The following AMPH variants were observed in gnomAD, a reference collection of about 807,000 sequenced individuals.
AMPH encodes the protein amphiphysin.
Under a neutral mutation model 99.1 loss-of-function variants are expected in AMPH, and 49 were observed. The ratio of observed to expected loss-of-function variants is 0.49; its 90% CI spans 0.39 to 0.63. The LOEUF (loss-of-function observed/expected upper bound fraction) is 0.63, where lower values mean the gene tolerates loss of function less well. Ranked by LOEUF, AMPH falls within the 20% of genes least tolerant of loss-of-function variation. AMPH has a pLI of 0.00. For missense variants in AMPH, 759 were observed against 863.4 expected, an observed-to-expected ratio of 0.88 and a Z score of 1.52; for synonymous variants, 314 against 317.3, an observed-to-expected ratio of 0.99 and a Z score of 0.11.
chr7:38,556,070 C>T (rs990362152), intron 1 of AMPH, among the ~76,000 whole-genome samples: 1 of 151,846 alleles, frequency 6.6e-6, no homozygotes, highest in African/African-American at 2.4e-5. Context: ...ACCCAGGCAA[C>T]AAACCTGCAC....
intron 1 of AMPH, among the ~76,000 whole-genome samples, chr7:38,551,751 TG>T (rs1185554565): frequency 2.0e-5 from 3 of 152,018 alleles, no homozygotes; most frequent in Non-Finnish European, 4.4e-5. Context: ...ACAGAAAGAA[TG>T]AGGGAGAGAA....
In AMPH at chr7:38,509,335, G is replaced by A. The variant is rs553318113; in HGVS notation, c.151-5631C>T. ...GTTTCCACAGTTTTATCCAAGATTCGTGGCCCAATTTCCAACTATCCCTGT... is the reference window on the plus strand; with the variant it reads ...GTTTCCACAGTTTTATCCAAGATTCATGGCCCAATTTCCAACTATCCCTGT... On this transcript the variant is annotated intron_variant, in intron 2 of 20. Transcript: ENST00000356264. Among the ~76,000 whole-genome samples the A allele has an allele frequency of 5.4e-4, 82 of 152,200 alleles. 3 individuals are homozygous for A. The South Asian group carries it at 0.014, about 25-fold the overall frequency.
intron 20 of AMPH, among the ~76,000 whole-genome samples, chr7:38,389,565 G>A (rs1784432776): frequency 6.6e-6 from 1 of 152,128 alleles, no homozygotes; most frequent in South Asian, 2.1e-4. Flanking sequence ...CCCAGAAAGT[G>A]GTTACGTGAT....
At chr7:38,582,690 A>T (rs1388815083) in intron 1 of AMPH, among the ~76,000 whole-genome samples, 3 of 152,230 alleles carry the variant, frequency 2.0e-5, no homozygotes, top group African/African-American at 7.2e-5. Flanking sequence ...AGGTCCTGAG[A>T]TCAAAAAGTT....
At chr7:38,603,134 G>A (rs951157446) in intron 1 of AMPH, among the ~76,000 whole-genome samples, 9 of 151,782 alleles carry the variant, frequency 5.9e-5, no homozygotes, top group African/African-American at 7.3e-5. Context: ...TGGGCAACAT[G>A]GCGAAACCCC....
intron 1 of AMPH, among the ~76,000 whole-genome samples, chr7:38,540,692 C>CAAAAAAAA (rs373768495): frequency 0.059 from 1,172 of 19,762 alleles, 522 homozygotes; most frequent in East Asian, 0.081. Flanking sequence ...TGACCCCAAG[C>CAAAAAAAA]AAAAAAAAAA....
intron 7 of AMPH, among the ~76,000 whole-genome samples, chr7:38,474,664 G>A (rs1334947106): frequency 6.6e-6 from 1 of 152,086 alleles, no homozygotes; most frequent in African/African-American, 2.4e-5. Flanking sequence ...AATTTGGGGT[G>A]GGAGCATGAG....
intron 1 of AMPH, among the ~76,000 whole-genome samples, chr7:38,595,562 T>C (rs1389167251): frequency 6.6e-6 from 1 of 152,106 alleles, no homozygotes; most frequent in African/African-American, 2.4e-5. Context: ...AAGTCCAACT[T>C]TATTTTTTTA....
At chr7:38,518,561 G>A (rs868287886) in intron 2 of AMPH, among the ~76,000 whole-genome samples, 1 of 152,222 alleles carries the variant, frequency 6.6e-6, no homozygotes, top group East Asian at 1.9e-4. Context: ...GCTTACCTGG[G>A]ACCAGTTATC....
chr7:38,468,469 T>G (rs1228324972), intron 7 of AMPH, among the ~76,000 whole-genome samples: 4 of 152,252 alleles, frequency 2.6e-5, no homozygotes, highest in Admixed American at 1.3e-4. Flanking sequence ...CAGCATATCT[T>G]AAGTTGTCAA....
rs1789220818 is a variant in AMPH at position 38,503,505 on chromosome 7, G to GCC, written c.205+144_205+145insGG. 5 of 495,164 alleles carry GCC rather than the reference G, an allele frequency of 1.0e-5. 1 individual carries two copies. Among genetic ancestry groups the GCC allele is most frequent in the South Asian group, 5.4e-5 (2 of 36,980 alleles). The allele number at this position is 495,164 out of a possible 1,614,324, so 30.7% of individuals were successfully genotyped here. A position where few individuals can be genotyped will look rare whatever the true frequency, so the allele number is the denominator to read the frequency against. On this transcript the variant is annotated intron_variant, in intron 3 of 20. Coordinates refer to ENST00000356264, the MANE Select transcript of AMPH (RefSeq NM_001635.4). ...AATGGGAATTTGGGGCGGGGGGGTGGGTGGTGGAATGGAACACCTGTGTTC... is the reference window on the plus strand; with the variant it reads ...AATGGGAATTTGGGGCGGGGGGGTGGCCGTGGTGGAATGGAACACCTGTGTTC...
At chr7:38,566,568 G>C (rs1413651346) in intron 1 of AMPH, among the ~76,000 whole-genome samples, 2 of 152,152 alleles carry the variant, frequency 1.3e-5, no homozygotes, top group Admixed American at 1.3e-4. Context: ...AAACTAAAGA[G>C]CTTCTGCACA....
chr7:38,477,087 C>A, intron 5 of AMPH, 118 bp from the exon 6 acceptor site: 1 of 766,846 alleles, frequency 1.3e-6, no homozygotes, highest in South Asian at 1.6e-5. Context: ...GACTGGAGAT[C>A]AAGATGGGCT....
chr7:38,545,065 G>A (rs35099182), intron 1 of AMPH, among the ~76,000 whole-genome samples: 54,309 of 152,092 alleles, frequency 0.36, 10,860 homozygotes, highest in East Asian at 0.86. Context: ...TCTGCAGCTC[G>A]GTAAGTGTCT....
intron 17 of AMPH, among the ~76,000 whole-genome samples, chr7:38,396,968 T>G (rs915196175): frequency 6.6e-6 from 1 of 152,246 alleles, no homozygotes; most frequent in African/African-American, 2.4e-5. Flanking sequence ...AGTTGTGTCA[T>G]GATTACAAGC....
At chr7:38,581,388 C>T (rs1057354992) in intron 1 of AMPH, among the ~76,000 whole-genome samples, 11 of 152,144 alleles carry the variant, frequency 7.2e-5, no homozygotes, top group Admixed American at 2.0e-4. Flanking sequence ...CACTCTAGGA[C>T]GATGACACTG....
In AMPH at chr7:38,605,007, G is replaced by A. The variant is rs113413786; in HGVS notation, c.69+26276C>T. Among the ~76,000 whole-genome samples, 45 of 152,318 alleles carry A rather than the reference G, an allele frequency of 3.0e-4. 2 individuals are homozygous for A. The highest frequency in any genetic ancestry group is 1.0e-3 in the African/African-American group (43 of 41,558). On this transcript the variant is annotated intron_variant, in intron 1 of 20. Transcript: ENST00000356264. ...CATTTGGAAGTTAGTAAAGATTAATGAAGGATATTTATCACATAAACACAA... is the reference window on the plus strand; with the variant it reads ...CATTTGGAAGTTAGTAAAGATTAATAAAGGATATTTATCACATAAACACAA...
chr7:38,440,698 T>C (rs1786472269), intron 11 of AMPH, among the ~76,000 whole-genome samples: 1 of 152,110 alleles, frequency 6.6e-6, no homozygotes, highest in Middle Eastern at 3.2e-3. Context: ...AATGACATCA[T>C]ATAATTGAAA....
At chr7:38,432,638 G>C (rs1786080529) in intron 12 of AMPH, among the ~76,000 whole-genome samples, 1 of 147,716 alleles carries the variant, frequency 6.8e-6, no homozygotes, top group Admixed American at 6.8e-5. Context: ...TTAAAATGAA[G>C]TAAACAAGGT....
Sources: gnomAD v4.1 joint callset for allele counts (sites outside exome capture counted in the v4.1 genomes callset) on GRCh38, gnomAD v4.1.1 for gene constraint, MANE v1.5 for transcripts, NCBI Gene and HGNC (gene_info 2026-07-23, HGNC 2026-07-21) for gene names.